The following PHF21A variants were observed in gnomAD, a reference collection of about 807,000 sequenced individuals.
The protein encoded by PHF21A is PHD finger protein 21A.
A neutral mutation model predicts 82.5 loss-of-function variants in PHF21A; 11 were observed. The ratio of observed to expected loss-of-function variants is 0.13; its 90% confidence interval spans 0.08 to 0.22. PHF21A has a LOEUF of 0.22. PHF21A is among the 10% of genes least tolerant of loss of function. The pLI is 1.00. For synonymous variants in PHF21A, 297 were observed against 302.8 expected, an observed-to-expected ratio of 0.98 and a Z score of 0.20; for missense variants, 579 against 837.8, an observed-to-expected ratio of 0.69 and a Z score of 3.81.
At chr11:46,080,856 G>A (rs2096783118) in intron 4 of PHF21A, among the ~76,000 whole-genome samples, 1 of 151,286 alleles carries the variant, frequency 6.6e-6, no homozygotes, top group Non-Finnish European at 1.5e-5. Flanking sequence ...AAGAGATGAG[G>A]TCTCACTATG....
At chr11:46,067,281 A>G (rs576191922) in intron 6 of PHF21A, among the ~76,000 whole-genome samples, 14 of 152,326 alleles carry the variant, frequency 9.2e-5, no homozygotes, top group African/African-American at 2.9e-4. Flanking sequence ...ACGACACAGC[A>G]TAACAAGTAT....
At chr11:45,945,711 TTC>T in intron 15 of PHF21A, 127 bp downstream of exon 15, 2 of 739,658 alleles carry the variant, frequency 2.7e-6, no homozygotes, top group East Asian at 5.6e-5. Flanking sequence ...ATAAAAAGCA[TTC>T]TATAGTGTTT....
At chr11:45,973,933 T>C (rs2093900015) in intron 7 of PHF21A, among the ~76,000 whole-genome samples, 2 of 152,214 alleles carry the variant, frequency 1.3e-5, no homozygotes, top group African/African-American at 2.4e-5. Flanking sequence ...CATCAATATT[T>C]TGAATAACTC....
At chr11:46,108,347 A>G (rs1171327093) in intron 1 of PHF21A, among the ~76,000 whole-genome samples, 5 of 152,060 alleles carry the variant, frequency 3.3e-5, no homozygotes, top group Non-Finnish European at 5.9e-5. Flanking sequence ...AAAAATAACA[A>G]TGACCATTTC....
At chr11:45,982,532 ATAAT>A in intron 6 of PHF21A, among the ~76,000 whole-genome samples, 1 of 152,376 alleles carries the variant, frequency 6.6e-6, no homozygotes, top group South Asian at 2.1e-4. Flanking sequence ...AAAAGGCAGA[ATAAT>A]TAAACTGCTG....
intron 3 of PHF21A, among the ~76,000 whole-genome samples, chr11:46,090,156 G>C (rs1232461260): frequency 1.3e-5 from 2 of 151,922 alleles, no homozygotes; most frequent in African/African-American, 4.8e-5. Context: ...AAATGGAGGA[G>C]GTTGGGGAGT....
At chr11:45,935,457 C>T (rs2088696730) in intron 18 of PHF21A, 179 bp downstream of exon 18, 5 of 639,030 alleles carry the variant, frequency 7.8e-6, no homozygotes, top group South Asian at 1.9e-5. Flanking sequence ...ACCAACTGGC[C>T]GCCTGTACCT....
chr11:46,042,047 A>G (rs984453290), intron 6 of PHF21A, among the ~76,000 whole-genome samples: 1 of 152,174 alleles, frequency 6.6e-6, no homozygotes, highest in Non-Finnish European at 1.5e-5. Context: ...ATATGATTTG[A>G]GATTCACAAA....
In PHF21A at chr11:45,936,569, T is replaced by C. The variant is rs1349617648; in HGVS notation, c.1609A>G (p.Met537Val). The stretch of plus-strand genomic sequence containing the variant: ...GGAATTGCTTCTTCCTTCTTCAGCA[T>C]CTGAAAAGATTTTTAGAATTTTACC... ...MWICPRCQDQ[M>V]LKKEEAIPWP... The change falls in exon 17 of 19, where the codon ATG becomes GTG. Residue 537 changes from methionine to valine, a missense_variant and splice_region_variant. Transcript: ENST00000676320. 7 of 1,608,922 alleles carry C rather than the reference T, an allele frequency of 4.4e-6. No homozygotes were observed. Among genetic ancestry groups the C allele is most frequent in the Non-Finnish European group, 6.0e-6 (7 of 1,175,372 alleles).
intron 6 of PHF21A, among the ~76,000 whole-genome samples, chr11:45,985,164 AG>A (rs2094449859): frequency 6.6e-6 from 1 of 152,322 alleles, no homozygotes; most frequent in African/African-American, 2.4e-5. Flanking sequence ...TTACTCAAAG[AG>A]GAAAAAAAAG....
chr11:45,939,479 T>G (rs2089911242), intron 15 of PHF21A, among the ~76,000 whole-genome samples: 1 of 152,200 alleles, frequency 6.6e-6, no homozygotes, highest in Admixed American at 6.5e-5. Context: ...GAGTTCTTTC[T>G]AAAATGAAGA....
chr11:46,031,347 G>T (rs1438340298), intron 6 of PHF21A, among the ~76,000 whole-genome samples: 1 of 152,084 alleles, frequency 6.6e-6, no homozygotes, highest in African/African-American at 2.4e-5. Context: ...AGCACTGCCA[G>T]ATTAATAGCA....
intron 3 of PHF21A, among the ~76,000 whole-genome samples, chr11:46,087,142 T>C (rs780436644): frequency 1.9e-4 from 29 of 152,248 alleles, no homozygotes; most frequent in African/African-American, 5.8e-4. Flanking sequence ...TTTTGGGGTA[T>C]TGATATTTTC....
At chr11:46,088,507 A>T (rs1370754359) in intron 3 of PHF21A, among the ~76,000 whole-genome samples, 1 of 152,212 alleles carries the variant, frequency 6.6e-6, no homozygotes, top group Non-Finnish European at 1.5e-5. Context: ...AAGGTCAGCC[A>T]TGGTATCTGG....
intron 6 of PHF21A, among the ~76,000 whole-genome samples, chr11:45,984,499 C>A (rs1030226240): frequency 6.6e-5 from 10 of 152,124 alleles, no homozygotes; most frequent in African/African-American, 2.4e-4. Flanking sequence ...TGACATTCAG[C>A]GATACTATCA....
At chr11:46,094,504 T>C (rs2096966812) in intron 1 of PHF21A, among the ~76,000 whole-genome samples, 2 of 152,190 alleles carry the variant, frequency 1.3e-5, no homozygotes, top group South Asian at 4.1e-4. Context: ...GGAGTTACTC[T>C]TCTAAAAAAC....
chr11:45,948,782 A>G (rs1470828296), intron 14 of PHF21A, 104 bp downstream of exon 14: 2 of 818,728 alleles, frequency 2.4e-6, no homozygotes, highest in Non-Finnish European at 4.4e-6. Context: ...TTTTCAAAGG[A>G]TAGAGGAGTT....
intron 3 of PHF21A, among the ~76,000 whole-genome samples, chr11:46,087,712 C>CA (rs1217741812): frequency 1.3e-5 from 2 of 152,072 alleles, no homozygotes; most frequent in African/African-American, 4.8e-5. Flanking sequence ...GAGAAGGGGT[C>CA]TCATATGTTG....
intron 1 of PHF21A, among the ~76,000 whole-genome samples, chr11:46,106,581 C>T (rs143099814): frequency 7.7e-4 from 118 of 152,308 alleles, no homozygotes; most frequent in African/African-American, 2.8e-3. Flanking sequence ...ATAATTTGCA[C>T]ATATCCAACT....
Sources: allele counts gnomAD v4.1 joint callset (sites outside exome capture counted in the v4.1 genomes callset), GRCh38; gene constraint gnomAD v4.1.1; transcripts MANE v1.5; gene names NCBI Gene and HGNC (gene_info 2026-07-23, HGNC 2026-07-21).